Variants in CNBD1 observed in about 807,000 individuals in gnomAD.
The protein encoded by CNBD1 is cyclic nucleotide-binding domain-containing protein 1.
CNBD1 carries 71 observed loss-of-function variants against 54.4 expected under a neutral mutation model. The ratio of observed to expected loss-of-function variants is 1.30; its 90% CI spans 1.08 to 1.59. The LOEUF (loss-of-function observed/expected upper bound fraction) is 1.59. CNBD1 is among the 40% of genes most tolerant of loss of function. The probability of loss-of-function intolerance (pLI) is 0.00; values close to 1 mark genes in which losing one functional copy is unlikely to be tolerated. For synonymous variants in CNBD1, 182 were observed against 170.7 expected (o/e 1.07, Z -0.51); for missense variants, 659 against 518.0 (o/e 1.27, Z -2.64).
At chr8:86,872,573 C>T (rs1197408140) in intron 1 of CNBD1, among the ~76,000 whole-genome samples, 2 of 152,120 alleles carry the variant, frequency 1.3e-5, no homozygotes, top group Non-Finnish European at 2.9e-5. Context: ...GTTCCCTTTC[C>T]TCCACTTTCT....
At chr8:87,018,348 C>T (rs1809411282) in intron 4 of CNBD1, among the ~76,000 whole-genome samples, 1 of 152,158 alleles carries the variant, frequency 6.6e-6, no homozygotes. Flanking sequence ...ACTTACCTTG[C>T]ACACAAATTG....
chr8:87,149,720 A>G (rs75442197), intron 4 of CNBD1, among the ~76,000 whole-genome samples: 1,697 of 152,220 alleles, frequency 0.011, 25 homozygotes, highest in African/African-American at 0.038. Flanking sequence ...AAGGGATATG[A>G]TGTGTCTTTC....
chr8:87,023,925 T>C (rs1479425844), intron 4 of CNBD1, among the ~76,000 whole-genome samples: 3 of 152,218 alleles, frequency 2.0e-5, no homozygotes, highest in Non-Finnish European at 4.4e-5. Context: ...AGAATACCTC[T>C]GACTCATTTC....
intron 2 of CNBD1, among the ~76,000 whole-genome samples, chr8:87,415,646 CT>C (rs1438128361): frequency 1.3e-5 from 2 of 151,900 alleles, no homozygotes; most frequent in African/African-American, 4.8e-5. Context: ...CTTTCTTCTT[CT>C]CTTTCTATTT....
At chr8:87,357,565 G>A (rs939945175) in intron 10 of CNBD1, among the ~76,000 whole-genome samples, 8 of 152,120 alleles carry the variant, frequency 5.3e-5, no homozygotes, top group African/African-American at 1.7e-4. Flanking sequence ...CTGTCTTTTG[G>A]AATGGGAATG....
At chr8:87,383,376 T>C (rs540224066), downstream of CNBD1, among the ~76,000 whole-genome samples, 2 of 152,236 alleles carry the variant, frequency 1.3e-5, no homozygotes, top group Middle Eastern at 3.4e-3. Context: ...CGTACGTTTA[T>C]TCAATACCTA....
At chr8:87,159,331 A>G (rs1176094119) in intron 4 of CNBD1, among the ~76,000 whole-genome samples, 4 of 152,160 alleles carry the variant, frequency 2.6e-5, no homozygotes, top group Admixed American at 6.6e-5. Flanking sequence ...TATAATTTCT[A>G]GGAGTTTTCA....
At chr8:87,330,336 T>G (rs1809798096) in intron 8 of CNBD1, among the ~76,000 whole-genome samples, 1 of 151,798 alleles carries the variant, frequency 6.6e-6, no homozygotes. Flanking sequence ...TTTTCTGGTT[T>G]CAATTTTATT....
At chr8:87,158,600 G>A (rs781329679) in intron 4 of CNBD1, among the ~76,000 whole-genome samples, 16 of 152,074 alleles carry the variant, frequency 1.1e-4, no homozygotes, top group Non-Finnish European at 1.9e-4. Flanking sequence ...TAATTTTAAT[G>A]ATCTCATCAA....
chr8:87,384,610 A>G (rs1358240271), downstream of CNBD1, among the ~76,000 whole-genome samples: 4 of 152,322 alleles, frequency 2.6e-5, no homozygotes, highest in Admixed American at 2.6e-4. Flanking sequence ...AGACTAACAA[A>G]CACTTTCAGA....
chr8:87,105,013 G>T (rs1172061005), intron 4 of CNBD1, among the ~76,000 whole-genome samples: 1 of 152,104 alleles, frequency 6.6e-6, no homozygotes, highest in Non-Finnish European at 1.5e-5. Context: ...TATGTTAGAG[G>T]TACAGCAGGT....
intron 3 of CNBD1, among the ~76,000 whole-genome samples, chr8:86,918,761 C>A (rs1232442396): frequency 6.8e-6 from 1 of 147,982 alleles, no homozygotes; most frequent in Non-Finnish European, 1.5e-5. Flanking sequence ...TCTTTATCTG[C>A]AGTGTGAAAA....
At chr8:87,410,571 T>C (rs1192619308) in intron 2 of CNBD1, among the ~76,000 whole-genome samples, 1 of 152,168 alleles carries the variant, frequency 6.6e-6, no homozygotes, top group Non-Finnish European at 1.5e-5. Flanking sequence ...GATGTGAACA[T>C]TGTTGAAATC....
At chr8:87,192,702 A>C (rs1813638494) in intron 4 of CNBD1, among the ~76,000 whole-genome samples, 1 of 152,192 alleles carries the variant, frequency 6.6e-6, no homozygotes, top group Non-Finnish European at 1.5e-5. Context: ...ATTCCCTGTA[A>C]TTTCACATCA....
intron 8 of CNBD1, among the ~76,000 whole-genome samples, chr8:87,300,183 T>C (rs1318741233): frequency 6.6e-6 from 1 of 152,190 alleles, no homozygotes; most frequent in Admixed American, 6.5e-5. Context: ...TTATGAATTA[T>C]AAAGTATTTT....
At chr8:87,210,938 G>C (rs1386893147) in intron 5 of CNBD1, among the ~76,000 whole-genome samples, 1 of 152,038 alleles carries the variant, frequency 6.6e-6, no homozygotes, top group African/African-American at 2.4e-5. Flanking sequence ...AGATCTACTG[G>C]CAGCTTGCAC....
At chr8:87,188,499 G>A (rs181518985) in intron 4 of CNBD1, among the ~76,000 whole-genome samples, 36 of 152,260 alleles carry the variant, frequency 2.4e-4, no homozygotes, top group Non-Finnish European at 4.0e-4. Flanking sequence ...AGAGGCCAAG[G>A]TGTGTGGATC....
At chr8:86,920,518 C>A (rs1314892953) in intron 3 of CNBD1, among the ~76,000 whole-genome samples, 1 of 152,156 alleles carries the variant, frequency 6.6e-6, no homozygotes, top group Non-Finnish European at 1.5e-5. Flanking sequence ...CAGAGGAGAA[C>A]AAAAGAATTT....
At chr8:87,332,673 A>G (rs1477647023) in intron 8 of CNBD1, among the ~76,000 whole-genome samples, 1 of 152,094 alleles carries the variant, frequency 6.6e-6, no homozygotes, top group Admixed American at 6.6e-5. Flanking sequence ...GGTTTGTCGA[A>G]TATCAGATGG....
Sources: allele counts gnomAD v4.1 joint callset (sites outside exome capture counted in the v4.1 genomes callset), GRCh38; gene constraint gnomAD v4.1.1; transcripts MANE v1.5; gene names NCBI Gene and HGNC (gene_info 2026-07-23, HGNC 2026-07-21).